SGO2: variants seen among roughly 807,000 people sequenced by gnomAD.
The protein encoded by SGO2 is shugoshin 2.
A neutral mutation model predicts 99.5 loss-of-function variants in SGO2; 68 were observed. The ratio of observed to expected loss-of-function variants is 0.68; its 90% confidence interval spans 0.56 to 0.84. The LOEUF (loss-of-function observed/expected upper bound fraction) is 0.84. Among genes scored for constraint, SGO2 ranks in the 40% least tolerant of loss-of-function variants. The pLI is 0.00. For missense variants in SGO2, 1,350 were observed against 1,436.7 expected (o/e 0.94, Z 0.97); for synonymous variants, 457 against 487.1 (o/e 0.94, Z 0.81).
chr2:200,555,018 A>G (rs2106327024), intron 5 of SGO2, among the ~76,000 whole-genome samples: 1 of 152,238 alleles, frequency 6.6e-6, no homozygotes, highest in African/African-American at 2.4e-5. Flanking sequence ...CTCACACACA[A>G]CCTTTTTACA....
At chr2:200,533,179 T>G (rs1380464305) in intron 2 of SGO2, 71 bp downstream of exon 2, 35 of 1,437,440 alleles carry the variant, frequency 2.4e-5, no homozygotes, top group Non-Finnish European at 3.2e-5. Flanking sequence ...ATTTGCTACC[T>G]TATTTTATCA....
chr2:200,564,138 T>C (rs561858539), intron 5 of SGO2, among the ~76,000 whole-genome samples: 9 of 152,216 alleles, frequency 5.9e-5, no homozygotes, highest in Admixed American at 1.3e-4. Flanking sequence ...CTCTAGTTCT[T>C]TTAATTGTGA....
chr2:200,542,501 G>T, intron 4 of SGO2, 78 bp from the exon 5 acceptor site: 2 of 1,027,156 alleles, frequency 1.9e-6, no homozygotes, highest in Non-Finnish European at 2.9e-6. Flanking sequence ...TAATGTCATT[G>T]TATAATTTGG....
intron 5 of SGO2, among the ~76,000 whole-genome samples, chr2:200,568,324 A>G (rs1057188916): frequency 1.3e-5 from 2 of 152,118 alleles, no homozygotes; most frequent in African/African-American, 4.8e-5. Flanking sequence ...TGCTTCATAT[A>G]TTGGATAATA....
In SGO2 at chr2:200,573,335, A is replaced by G. The variant is rs370969829; in HGVS notation, c.2989A>G (p.Ile997Val). ...KKESSCKAKNILTKAKNKLAS... is the reference protein window; with the variant it reads ...KKESSCKAKNVLTKAKNKLAS... ...AGAATCATCATGCAAGGCAAAGAAC[A>G]TTTTGACAAAAGCTAAGAACAAACT... is the stretch of plus-strand genomic sequence containing the variant. Residue 997 changes from isoleucine (I) to valine (V), a missense_variant, in exon 7 of 9, where the codon ATT becomes GTT. Physicochemically the swap from Ile to Val is conservative, Grantham distance 29. Coordinates refer to ENST00000357799, the MANE Select transcript of SGO2 (RefSeq NM_152524.6). 1.2e-6 allele frequency: 2 copies of G among 1,605,646 alleles called. No individual in the cohort carries two copies. Among genetic ancestry groups the G allele is most frequent in the Non-Finnish European group, 1.7e-6 (2 of 1,177,566 alleles).
intron 5 of SGO2, among the ~76,000 whole-genome samples, chr2:200,544,695 C>CGA (rs2032128941): frequency 1.8e-5 from 2 of 111,128 alleles, no homozygotes; most frequent in Non-Finnish European, 4.0e-5. Flanking sequence ...CTTGGGAGAT[C>CGA]TATCTATCTA....
intron 5 of SGO2, among the ~76,000 whole-genome samples, chr2:200,552,165 G>A (rs916523843): frequency 6.6e-6 from 1 of 151,752 alleles, no homozygotes; most frequent in Non-Finnish European, 1.5e-5. Flanking sequence ...TAGTTTTTTT[G>A]TATTGAGTTA....
intron 7 of SGO2, among the ~76,000 whole-genome samples, chr2:200,574,628 G>A (rs2106348611): frequency 6.6e-6 from 1 of 152,052 alleles, no homozygotes; most frequent in South Asian, 2.1e-4. Context: ...ATTTTTACCT[G>A]TAGTATTTAC....
At chr2:200,532,272 G>GTTTTTTTTTTTT (rs58961852) in intron 1 of SGO2, 8 of 187,228 alleles carry the variant, frequency 4.3e-5, no homozygotes, top group African/African-American at 1.5e-4. Flanking sequence ...AGAGTTTTTT[G>GTTTTTTTTTTTT]TTTTTTTTTT....
intron 1 of SGO2, among the ~76,000 whole-genome samples, chr2:200,531,191 G>A (rs1399691416): frequency 9.2e-5 from 14 of 152,180 alleles, no homozygotes; most frequent in Admixed American, 9.2e-4. Flanking sequence ...AGAGAAAACA[G>A]ATACACAGAT....
intron 5 of SGO2, among the ~76,000 whole-genome samples, chr2:200,545,703 AT>A (rs1375722688): frequency 6.6e-6 from 1 of 152,112 alleles, no homozygotes; most frequent in East Asian, 1.9e-4. Flanking sequence ...CCTCCCTCCC[AT>A]TCTGCCAGGC....
At chr2:200,562,546 T>C (rs1156745476) in intron 5 of SGO2, among the ~76,000 whole-genome samples, 2 of 152,234 alleles carry the variant, frequency 1.3e-5, no homozygotes, top group African/African-American at 4.8e-5. Context: ...GCGGGCTCTT[T>C]TGTGTTTCCA....
chr2:200,574,097 T>C, intron 7 of SGO2, 120 bp downstream of exon 7: 1 of 708,698 alleles, frequency 1.4e-6, no homozygotes, highest in Non-Finnish European at 2.2e-6. Context: ...TTAAAAACAA[T>C]ATATAACTGA....
chr2:200,564,443 T>C (rs561106470), intron 5 of SGO2, among the ~76,000 whole-genome samples: 77 of 152,334 alleles, frequency 5.1e-4, no homozygotes, highest in African/African-American at 1.8e-3. Context: ...TTGTGATTTC[T>C]GTTCTTTTAC....
chr2:200,550,343 G>GA (rs908887600), intron 5 of SGO2, among the ~76,000 whole-genome samples: 7 of 152,080 alleles, frequency 4.6e-5, no homozygotes, highest in Middle Eastern at 3.2e-3. Flanking sequence ...AAATAAGGGG[G>GA]AAAAATCCTA....
chr2:200,572,572 C>T lies in SGO2; in HGVS notation c.2226C>T (p.His742=), dbSNP rs1407024368. Residue 742 remains histidine, a synonymous_variant, in exon 7 of 9, where the codon CAC becomes CAT. Transcript: ENST00000357799. ...GTATAGAATACACAGTTAAAAGTCA[C>T]TCACTCTTTTTAACGCAAAAAGATA... ...DKSIEYTVKS[H]SLFLTQKDKE... The T allele has an allele frequency of 6.2e-7, 1 of 1,612,110 alleles. No homozygotes were observed. Among genetic ancestry groups the T allele is most frequent in the South Asian group, 1.1e-5 (1 of 90,950 alleles).
Position 200,532,992 on chromosome 2 carries a change from T to C in SGO2, c.17T>C (p.Met6Thr). Residue 6 changes from methionine (M) to threonine (T), a missense_variant, in exon 2 of 9, where the codon ATG becomes ACG. Transcript: ENST00000357799. ...ACTTCAGTGATGGAGTGCCCAGTGATGGAAACTGGCTCACTTTTTACCTCA... is the reference window on the plus strand; with the variant it reads ...ACTTCAGTGATGGAGTGCCCAGTGACGGAAACTGGCTCACTTTTTACCTCA... MECPV[M>T]ETGSLFTSGI... 1 of 1,610,446 alleles carries C rather than the reference T, an allele frequency of 6.2e-7. No homozygotes were observed. Among genetic ancestry groups the C allele is most frequent in the Non-Finnish European group, 8.5e-7 (1 of 1,179,066 alleles).
rs202075432 is a variant in SGO2, at chr2:200,571,677, G to T, written c.1331G>T (p.Gly444Val). 9.1e-5 allele frequency: 147 copies of T among 1,613,570 alleles called. No individual in the cohort carries two copies. Among genetic ancestry groups the T allele is most frequent in the Admixed American group, 5.0e-5 (3 of 59,962 alleles). The part of the protein sequence containing the change: ...ERSDVLDGKR[G>V]AEDPGFIFNN... Reference sequence around the variant, plus strand: ...TCTGATGTCCTGGATGGCAAAAGGGGTGCAGAAGATCCCGGTTTTATTTTC... The same window carrying T: ...TCTGATGTCCTGGATGGCAAAAGGGTTGCAGAAGATCCCGGTTTTATTTTC... The change falls in exon 7 of 9, where the codon GGT (glycine) becomes GTT (valine). Residue 444 changes from glycine to valine, a missense_variant. By Grantham distance (109) the Gly-to-Val change is moderately radical. Transcript: ENST00000357799.
intron 4 of SGO2, among the ~76,000 whole-genome samples, chr2:200,536,801 G>T (rs1374856915): frequency 2.0e-5 from 3 of 151,910 alleles, no homozygotes; most frequent in Non-Finnish European, 4.4e-5. Flanking sequence ...GCAGGTGATG[G>T]GTCATATAGA....
Sources: gnomAD v4.1 joint callset for allele counts (sites outside exome capture counted in the v4.1 genomes callset) on GRCh38, gnomAD v4.1.1 for gene constraint, MANE v1.5 for transcripts, NCBI Gene and HGNC (gene_info 2026-07-23, HGNC 2026-07-21) for gene names.